Variants in PCDHA6 observed in about 807,000 individuals in gnomAD.
PCDHA6 encodes the protein protocadherin alpha-6.
PCDHA6 carries 55 observed loss-of-function variants against 60.3 expected under a neutral mutation model. That is an observed-to-expected ratio of 0.91 (90% CI 0.73 to 1.14). The LOEUF (loss-of-function observed/expected upper bound fraction) is 1.14, where lower values mean the gene tolerates loss of function less well. Ranked by LOEUF, PCDHA6 falls within the 50% of genes most tolerant of loss-of-function variation. The probability of loss-of-function intolerance (pLI) is 0.00; values close to 1 mark genes in which losing one functional copy is unlikely to be tolerated. For synonymous variants in PCDHA6, 652 were observed against 557.9 expected (o/e 1.17, Z -2.38); for missense variants, 1,327 against 1,256.5 (o/e 1.06, Z -0.85).
Position 140,858,252 on chromosome 5 carries a change from C to A in PCDHA6, c.2394+27767C>A, listed in dbSNP as rs1554151333. On this transcript the variant is annotated intron_variant, in intron 1 of 3. Coordinates refer to ENST00000529310, the MANE Select transcript of PCDHA6 (RefSeq NM_018909.4). The stretch of plus-strand genomic sequence containing the variant: ...GAGGGCGCATGTGGGCCGGTGAAGC[C>A]CACGCTGGTGTGCTCTAGCGCGGTG... 3 of 1,596,744 alleles carry A rather than the reference C, an allele frequency of 1.9e-6. 1 individual carries two copies. The Admixed American group carries it at 5.1e-5, about 27-fold the overall frequency.
rs111298048 is a variant in PCDHA6 at position 140,841,325 on chromosome 5, G to A, written c.2394+10840G>A. ...TGATAGGAAACGACTATTTAACATG[G>A]ATTATCACTGGCGAGGAGAGCTGGG... On this transcript the variant is annotated intron_variant, in intron 1 of 3. Coordinates refer to ENST00000529310, the MANE Select transcript of PCDHA6 (RefSeq NM_018909.4). 9,405 of 1,608,142 alleles carry A rather than the reference G, an allele frequency of 5.8e-3. 135 individuals are homozygous for A. Among genetic ancestry groups the A allele is most frequent in the Non-Finnish European group, 7.0e-3 (8,183 of 1,176,604 alleles).
intron 1 of PCDHA6, chr5:140,859,106 A>G (rs2045724264): frequency 6.7e-6 from 1 of 150,166 alleles, no homozygotes; most frequent in African/African-American, 2.4e-5. Context: ...CACTTAGCAG[A>G]AGAAAATGTA....
intron 1 of PCDHA6, among the ~76,000 whole-genome samples, chr5:140,962,085 C>T (rs565561726): frequency 2.0e-5 from 3 of 151,950 alleles, no homozygotes; most frequent in Non-Finnish European, 4.4e-5. Context: ...CGGGGTTTCA[C>T]CATGTTAGCC....
At chr5:140,938,618 C>A (rs925273700) in intron 1 of PCDHA6, among the ~76,000 whole-genome samples, 1 of 152,138 alleles carries the variant, frequency 6.6e-6, no homozygotes, top group East Asian at 1.9e-4. Flanking sequence ...TTGGAATAAA[C>A]TCAGGTTGCT....
intron 1 of PCDHA6, chr5:140,969,386 C>T (rs782109093): frequency 2.5e-6 from 4 of 1,596,966 alleles, no homozygotes; most frequent in South Asian, 1.1e-5. Flanking sequence ...TACACATCCC[C>T]CAATATCCTG....
At chr5:140,958,953 T>A (rs1489065015) in intron 1 of PCDHA6, among the ~76,000 whole-genome samples, 2 of 144,196 alleles carry the variant, frequency 1.4e-5, no homozygotes, top group Non-Finnish European at 3.1e-5. Flanking sequence ...ATTATATTAT[T>A]ATAATTGTTC....
intron 3 of PCDHA6, among the ~76,000 whole-genome samples, chr5:140,987,370 A>G (rs183202119): frequency 5.2e-4 from 79 of 152,328 alleles, no homozygotes; most frequent in East Asian, 3.9e-4. Context: ...TTATATCATT[A>G]CAGGGTCAGA....
chr5:140,871,179 G>C (rs374404426), intron 1 of PCDHA6: 44 of 1,613,428 alleles, frequency 2.7e-5, no homozygotes, highest in Non-Finnish European at 3.5e-5. Context: ...AGGCTGCGCT[G>C]GTGGATGTCA....
At chr5:140,962,719 T>G (rs928199903) in intron 1 of PCDHA6, among the ~76,000 whole-genome samples, 1 of 152,224 alleles carries the variant, frequency 6.6e-6, no homozygotes, top group Non-Finnish European at 1.5e-5. Flanking sequence ...TTGGAAAGTA[T>G]TTTCCTTCTG....
chr5:140,956,243 C>T (rs2095270530), intron 1 of PCDHA6, among the ~76,000 whole-genome samples: 1 of 152,142 alleles, frequency 6.6e-6, no homozygotes, highest in African/African-American at 2.4e-5. Flanking sequence ...AAGGGGAATG[C>T]TTCCAGGTTT....
Position 140,852,727 on chromosome 5 carries a change from G to A in PCDHA6, c.2394+22242G>A, listed in dbSNP as rs1395858951. 8.1e-6 allele frequency: 8 copies of A among 983,412 alleles called. 1 individual carries two copies. The South Asian group carries it at 2.9e-4, about 35-fold the overall frequency. The allele number at this position is 983,412 out of a possible 1,614,324, so 60.9% of individuals were successfully genotyped here. The stretch of plus-strand genomic sequence containing the variant: ...ATCTTTGTCTTTGCACGTTTTTCAA[G>A]TTTCATGTGCCATTTAAACTTGGAC... On this transcript the variant is annotated intron_variant, in intron 1 of 3. Transcript: ENST00000529310.
In PCDHA6 at chr5:140,886,016, A is replaced by G. The variant is rs192748955; in HGVS notation, c.2394+55531A>G. Among the ~76,000 whole-genome samples the G allele has an allele frequency of 3.1e-3, 468 of 152,290 alleles. 3 individuals are homozygous for G. Among genetic ancestry groups the G allele is most frequent in the Middle Eastern group, 0.014 (4 of 294 alleles). On this transcript the variant is annotated intron_variant, in intron 1 of 3. Transcript: ENST00000529310. ...GAAAGAAATAGTAAAGGGAGATGCTATGTATTCTTCACTAAGTTTTCCCCA... is the reference window on the plus strand; with the variant it reads ...GAAAGAAATAGTAAAGGGAGATGCTGTGTATTCTTCACTAAGTTTTCCCCA...
At chr5:140,940,159 C>CT (rs1401623923) in intron 1 of PCDHA6, among the ~76,000 whole-genome samples, 1 of 151,978 alleles carries the variant, frequency 6.6e-6, no homozygotes, top group East Asian at 1.9e-4. Context: ...TTTTGTTTGC[C>CT]TGAAATGTCA....
At chr5:140,919,858 T>C (rs1392372108) in intron 1 of PCDHA6, among the ~76,000 whole-genome samples, 1 of 152,246 alleles carries the variant, frequency 6.6e-6, no homozygotes, top group Non-Finnish European at 1.5e-5. Flanking sequence ...TGACCTCATT[T>C]GGAAATAAGT....
At chr5:140,888,624 C>T (rs2061910720) in intron 1 of PCDHA6, among the ~76,000 whole-genome samples, 1 of 152,198 alleles carries the variant, frequency 6.6e-6, no homozygotes, top group Non-Finnish European at 1.5e-5. Flanking sequence ...CTAATTCGGC[C>T]TTCTATTACA....
chr5:140,871,427 T>C (rs782140666), intron 1 of PCDHA6: 1 of 1,613,326 alleles, frequency 6.2e-7, no homozygotes, highest in South Asian at 1.1e-5. Context: ...AGCCCCAGTC[T>C]TCCTCTAGGT....
In PCDHA6 at chr5:140,830,255, C is replaced by T. The variant is rs142209596; in HGVS notation, c.2164C>T (p.Arg722Trp). ...CACGCTACTGCTGTACACAGCGCTG[C>T]GGTGCTCGGCGCCACCCACCGAGGG... ...VLTLLLYTAL[R>W]CSAPPTEGAC... is the part of the protein sequence containing the mutation. The change falls in exon 1 of 4, where the codon CGG (arginine) becomes TGG (tryptophan). Residue 722 changes from arginine to tryptophan, a missense_variant. Coordinates refer to ENST00000529310, the MANE Select transcript of PCDHA6 (RefSeq NM_018909.4). 24 of 1,613,502 alleles carry T rather than the reference C, an allele frequency of 1.5e-5. No homozygotes were observed. In the South Asian group the frequency reaches 1.6e-4, roughly 11 times the overall value.
chr5:140,927,685 A>G lies in PCDHA6; in HGVS notation c.2395-51264A>G, dbSNP rs782137754. 2.5e-6 allele frequency: 4 copies of G among 1,614,092 alleles called. No individual in the cohort carries two copies. In the African/African-American group the frequency reaches 4.0e-5, roughly 16 times the overall value. ...AGCCTTGGATCCAGATGAAGGGTCC[A>G]ATGGGGAAGTCCAGTACTCCCTAAG... is the stretch of plus-strand genomic sequence containing the variant. On this transcript the variant is annotated intron_variant, in intron 1 of 3. Transcript: ENST00000529310.
intron 1 of PCDHA6, chr5:140,843,774 A>G: frequency 6.9e-7 from 1 of 1,457,980 alleles, no homozygotes; most frequent in Non-Finnish European, 9.4e-7. Flanking sequence ...TAGTTACTTT[A>G]AAAGTGTTTC....
Sources: allele counts gnomAD v4.1 joint callset (sites outside exome capture counted in the v4.1 genomes callset), GRCh38; gene constraint gnomAD v4.1.1; transcripts MANE v1.5; gene names NCBI Gene and HGNC (gene_info 2026-07-23, HGNC 2026-07-21).